Variants in BZW2 observed in about 807,000 individuals in gnomAD.
The protein encoded by BZW2 is basic leucine zipper and W2 domains 2.
In BZW2, 23 loss-of-function variants were observed where a neutral mutation model predicts 53.2. The observed-to-expected ratio is 0.43, with a 90% CI of 0.31 to 0.61. The LOEUF is 0.61. BZW2 is among the 20% of genes least tolerant of loss of function. The pLI, the probability that BZW2 is intolerant of heterozygous loss-of-function variation, is 0.09. For missense variants in BZW2, 409 were observed against 503.1 expected, an observed-to-expected ratio of 0.81 and a Z score of 1.79; for synonymous variants, 227 against 186.4, an observed-to-expected ratio of 1.22 and a Z score of -1.77.
At chr7:16,680,376 T>C (rs1278811864) in intron 3 of BZW2, among the ~76,000 whole-genome samples, 1 of 152,210 alleles carries the variant, frequency 6.6e-6, no homozygotes, top group Non-Finnish European at 1.5e-5. Flanking sequence ...TTTGCTTCCA[T>C]GATTAAGAAT....
chr7:16,705,942 G>A (rs1417320182), intron 11 of BZW2, 118 bp from the exon 12 acceptor site: 18 of 1,090,630 alleles, frequency 1.7e-5, no homozygotes, highest in Non-Finnish European at 2.1e-5. Flanking sequence ...TATAATGGGT[G>A]CCTAGGGTAA....
intron 2 of BZW2, among the ~76,000 whole-genome samples, chr7:16,672,378 G>T (rs1470602013): frequency 6.6e-6 from 1 of 152,014 alleles, no homozygotes; most frequent in Non-Finnish European, 1.5e-5. Context: ...TTTTCTGAAA[G>T]ATAATCTTAG....
At chr7:16,665,201 G>C (rs1421268977) in intron 1 of BZW2, among the ~76,000 whole-genome samples, 1 of 151,884 alleles carries the variant, frequency 6.6e-6, no homozygotes, top group Non-Finnish European at 1.5e-5. Flanking sequence ...AGCTACTCAG[G>C]AGGCTGAGGC....
intron 8 of BZW2, among the ~76,000 whole-genome samples, chr7:16,696,617 A>G (rs1443401590): frequency 6.6e-6 from 1 of 152,172 alleles, no homozygotes; most frequent in Non-Finnish European, 1.5e-5. Flanking sequence ...TCCCTACTCT[A>G]CTAGACTCAA....
Position 16,686,006 on chromosome 7 carries a change from C to T in BZW2, c.507C>T (p.Leu169=), listed in dbSNP as rs1393033795. ...ATGGCACCCTGCCCGCCACCATCCT[C>T]ACCAGTCTCTTCACCGACAGCTTAG... is the stretch of plus-strand genomic sequence containing the variant. ...LGNGTLPATI[L]TSLFTDSLVK... The change falls in exon 6 of 12, where the codon CTC becomes CTT. Residue 169 remains leucine (L), a synonymous_variant. Coordinates refer to ENST00000258761, the MANE Select transcript of BZW2 (RefSeq NM_014038.3). 6.2e-7 allele frequency: 1 copy of T among 1,610,234 alleles called. No homozygotes were observed. Among genetic ancestry groups the T allele is most frequent in the South Asian group, 1.1e-5 (1 of 89,850 alleles).
At chr7:16,677,694 G>A (rs1053196024) in intron 3 of BZW2, among the ~76,000 whole-genome samples, 2 of 152,174 alleles carry the variant, frequency 1.3e-5, no homozygotes, top group Non-Finnish European at 2.9e-5. Context: ...GGATTGAAAT[G>A]TATGGCCTGC....
At chr7:16,684,189 T>C (rs150296303) in intron 5 of BZW2, among the ~76,000 whole-genome samples, 182 of 152,322 alleles carry the variant, frequency 1.2e-3, no homozygotes, top group Non-Finnish European at 2.1e-3. Flanking sequence ...AAAATGCCCA[T>C]GACAAATTAA....
Position 16,706,278 on chromosome 7 carries a change from C to T in BZW2, c.*190C>T. The T allele has an allele frequency of 1.7e-6, 1 of 602,538 alleles. No homozygotes were observed. The highest frequency in any genetic ancestry group is 2.9e-6 in the Non-Finnish European group (1 of 348,452). 37.3% of individuals were successfully genotyped at this position (602,538 alleles called of 1,614,324 possible). A position where few individuals can be genotyped will look rare whatever the true frequency, so the allele number is the denominator to read the frequency against. On this transcript the variant is annotated 3_prime_UTR_variant, in exon 12 of 12. Transcript: ENST00000258761. ...TTTAAATGGAGCCCTGAGGCATCAG[C>T]TATTATACTTGGGACTCTACCTCTC...
Position 16,656,081 on chromosome 7 carries a change from ATGTG to A in BZW2, c.-7-9344_-7-9341del, listed in dbSNP as rs200562547. Among the ~76,000 whole-genome samples the A allele has an allele frequency of 9.7e-4, 147 of 150,852 alleles. 1 individual carries two copies. The highest frequency in any genetic ancestry group is 3.4e-3 in the African/African-American group (138 of 41,072). On this transcript the variant is annotated intron_variant, in intron 1 of 11. Transcript: ENST00000258761. Reference sequence around the variant, plus strand: ...TTAGGTTGTCTCAATAGTCATATATATGTGTGTGTGTGTGTATGTATATATACAT... The same window carrying A: ...TTAGGTTGTCTCAATAGTCATATATATGTGTGTGTGTATGTATATATACAT...
chr7:16,659,823 T>A (rs957841177), intron 1 of BZW2, among the ~76,000 whole-genome samples: 1 of 151,966 alleles, frequency 6.6e-6, no homozygotes, highest in Non-Finnish European at 1.5e-5. Flanking sequence ...ATGATATTGT[T>A]GCCCTATAAT....
At chr7:16,679,018 A>G (rs1025592184) in intron 3 of BZW2, among the ~76,000 whole-genome samples, 4 of 152,190 alleles carry the variant, frequency 2.6e-5, no homozygotes, top group African/African-American at 7.2e-5. Flanking sequence ...ATGAAGGTCC[A>G]TGTCCCGCTG....
At chr7:16,658,174 C>A (rs1158636164) in intron 1 of BZW2, among the ~76,000 whole-genome samples, 1 of 151,976 alleles carries the variant, frequency 6.6e-6, no homozygotes, top group African/African-American at 2.4e-5. Context: ...AATGCACATG[C>A]CTTAAGGGAC....
intron 2 of BZW2, among the ~76,000 whole-genome samples, chr7:16,670,674 G>T (rs1782572148): frequency 6.6e-6 from 1 of 151,922 alleles, no homozygotes. Context: ...GGTTCCTTTT[G>T]TGTAGAAACC....
intron 2 of BZW2, 82 bp from the exon 3 acceptor site, chr7:16,674,330 A>G: frequency 9.1e-7 from 1 of 1,104,126 alleles, no homozygotes. Flanking sequence ...TATCTTAGAT[A>G]AAATAGAATT....
chr7:16,704,693 G>A (rs1783778839), intron 11 of BZW2, 24 bp downstream of exon 11: 2 of 1,548,414 alleles, frequency 1.3e-6, no homozygotes, highest in Non-Finnish European at 1.8e-6. Context: ...TACAAACATT[G>A]ATGACCTTTA....
At chr7:16,649,269 C>G (rs1375575248) in intron 1 of BZW2, among the ~76,000 whole-genome samples, 1 of 152,214 alleles carries the variant, frequency 6.6e-6, no homozygotes, top group Non-Finnish European at 1.5e-5. Context: ...CAGTGTCTTG[C>G]ACCTAGTGTA....
chr7:16,678,791 A>G (rs1782846423), intron 3 of BZW2, among the ~76,000 whole-genome samples: 1 of 151,972 alleles, frequency 6.6e-6, no homozygotes, highest in Non-Finnish European at 1.5e-5. Flanking sequence ...GAAAGAGTAC[A>G]AAAGTAAGAA....
chr7:16,657,477 A>G (rs533787535), intron 1 of BZW2, among the ~76,000 whole-genome samples: 1 of 152,296 alleles, frequency 6.6e-6, no homozygotes, highest in South Asian at 2.1e-4. Context: ...TAAAGTAGAA[A>G]AAGTTTGTCT....
At chr7:16,658,993 G>A (rs1433780061) in intron 1 of BZW2, among the ~76,000 whole-genome samples, 2 of 150,658 alleles carry the variant, frequency 1.3e-5, no homozygotes, top group African/African-American at 4.9e-5. Context: ...GCATTAAACA[G>A]GATCAGGTGA....
Sources: allele counts gnomAD v4.1 joint callset (sites outside exome capture counted in the v4.1 genomes callset), GRCh38; gene constraint gnomAD v4.1.1; transcripts MANE v1.5; gene names NCBI Gene and HGNC (gene_info 2026-07-23, HGNC 2026-07-21).